Variants in ERLIN1 observed in about 807,000 individuals in gnomAD.
ERLIN1 encodes the protein ER lipid raft associated 1.
ERLIN1 carries 24 observed loss-of-function variants against 46.9 expected under a neutral mutation model. The ratio of observed to expected loss-of-function variants is 0.51; its 90% confidence interval spans 0.37 to 0.72. The LOEUF (loss-of-function observed/expected upper bound fraction) is 0.72, where lower values mean the gene tolerates loss of function less well. Among genes scored for constraint, ERLIN1 ranks in the 30% least tolerant of loss-of-function variants. The pLI is 0.00. For missense variants in ERLIN1, 293 were observed against 417.9 expected, an observed-to-expected ratio of 0.70 and a Z score of 2.61; for synonymous variants, 158 against 143.2, an observed-to-expected ratio of 1.10 and a Z score of -0.74.
intron 8 of ERLIN1, among the ~76,000 whole-genome samples, chr10:100,161,974 ATAAAAG>A (rs1383497739): frequency 6.6e-6 from 1 of 152,184 alleles, no homozygotes; most frequent in African/African-American, 2.4e-5. Flanking sequence ...AACTTTTAGA[ATAAAAG>A]TCTTACTTTG....
At chr10:100,163,787 A>G (rs1843485839) in intron 8 of ERLIN1, among the ~76,000 whole-genome samples, 1 of 152,368 alleles carries the variant, frequency 6.6e-6, no homozygotes, top group Non-Finnish European at 1.5e-5. Flanking sequence ...CAACAGTAGC[A>G]TCTAACAACA....
intron 8 of ERLIN1, among the ~76,000 whole-genome samples, chr10:100,161,379 T>C (rs1399232871): frequency 6.6e-6 from 1 of 152,214 alleles, no homozygotes; most frequent in Non-Finnish European, 1.5e-5. Flanking sequence ...AACAAATCTT[T>C]AATAAATGTG....
chr10:100,174,118 A>G (rs943732430), intron 6 of ERLIN1, 90 bp downstream of exon 6: 50 of 818,512 alleles, frequency 6.1e-5, no homozygotes, highest in Non-Finnish European at 9.7e-5. Context: ...AGCATCTCAA[A>G]TAATTGCTGA....
intron 8 of ERLIN1, among the ~76,000 whole-genome samples, chr10:100,157,185 T>A (rs1386489115): frequency 6.6e-6 from 1 of 152,212 alleles, no homozygotes; most frequent in Non-Finnish European, 1.5e-5. Context: ...TTAGTTTTAC[T>A]ATACTCAGGA....
At chr10:100,168,071 T>C (rs1315239804) in intron 6 of ERLIN1, among the ~76,000 whole-genome samples, 1 of 152,226 alleles carries the variant, frequency 6.6e-6, no homozygotes, top group Non-Finnish European at 1.5e-5. Context: ...TTGACACAAT[T>C]AAGATTATCT....
chr10:100,175,929 G>C lies in ERLIN1; in HGVS notation c.430+16C>G, dbSNP rs1240077501. ...TCCAATTGGCTATTTACATACATAA[G>C]AATTAAGACACTTACCAAACAATTC... On this transcript the variant is annotated intron_variant, in intron 5 of 10. Coordinates refer to ENST00000421367, the MANE Select transcript of ERLIN1 (RefSeq NM_006459.4). The C allele has an allele frequency of 2.7e-5, 44 of 1,610,302 alleles. No individual in the cohort carries two copies. The highest frequency in any genetic ancestry group is 3.7e-5 in the Non-Finnish European group (43 of 1,177,898).
At chr10:100,162,477 G>T (rs1456415080) in intron 8 of ERLIN1, among the ~76,000 whole-genome samples, 1 of 152,154 alleles carries the variant, frequency 6.6e-6, no homozygotes, top group Non-Finnish European at 1.5e-5. Flanking sequence ...TAAAATCAAA[G>T]AAGTACTTGA....
chr10:100,185,052 C>A (rs1170661414), intron 1 of ERLIN1, among the ~76,000 whole-genome samples: 1 of 151,838 alleles, frequency 6.6e-6, no homozygotes, highest in Non-Finnish European at 1.5e-5. Context: ...CCTGGAGGTC[C>A]AGGGACATAA....
Position 100,185,585 on chromosome 10 carries a change from C to T in ERLIN1, c.42G>A (p.Val14=). Residue 14 remains valine, a synonymous_variant, in exon 1 of 11, where the codon GTG becomes GTA. Coordinates refer to ENST00000421367, the MANE Select transcript of ERLIN1 (RefSeq NM_006459.4). ...TQARVLVAAV[V]GLVAVLLYAS... ...CGTAGAGCAGGACAGCCACCAACCC[C>T]ACCACTGCAGCCACCAGAACCCGGG... is the stretch of plus-strand genomic sequence containing the variant. The T allele has an allele frequency of 1.2e-6, 2 of 1,614,058 alleles. No individual in the cohort carries two copies. Among genetic ancestry groups the T allele is most frequent in the Non-Finnish European group, 8.5e-7 (1 of 1,179,896 alleles).
Position 100,151,753 on chromosome 10 carries a change from C to CG in ERLIN1, c.*377_*378insC. The CG allele has an allele frequency of 1.6e-5, 5 of 320,636 alleles. No homozygotes were observed. Among genetic ancestry groups the CG allele is most frequent in the South Asian group, 8.2e-5 (3 of 36,462 alleles). 19.9% of individuals were successfully genotyped at this position (320,636 alleles called of 1,614,324 possible). ...TTCTCAGTCATCTCTTGAATGGTGG[C>CG]TGAGCATACATTTCCCCGGGGGACG... On this transcript the variant is annotated 3_prime_UTR_variant, in exon 11 of 11. Coordinates refer to ENST00000421367, the MANE Select transcript of ERLIN1 (RefSeq NM_006459.4).
chr10:100,163,119 T>C (rs1843448217), intron 8 of ERLIN1, among the ~76,000 whole-genome samples: 1 of 152,182 alleles, frequency 6.6e-6, no homozygotes, highest in Admixed American at 6.5e-5. Context: ...TCCCTAGATC[T>C]ACATGTATCA....
chr10:100,172,587 AT>A (rs1844065172), intron 6 of ERLIN1, among the ~76,000 whole-genome samples: 1 of 152,238 alleles, frequency 6.6e-6, no homozygotes. Flanking sequence ...GTTCAACCTC[AT>A]TAACAACCAA....
intron 2 of ERLIN1, among the ~76,000 whole-genome samples, chr10:100,179,708 T>C (rs928646996): frequency 6.6e-6 from 1 of 152,150 alleles, no homozygotes; most frequent in African/African-American, 2.4e-5. Context: ...CCACCCACCT[T>C]GGCCTCCCAA....
At chr10:100,171,109 A>G (rs1843967760) in intron 6 of ERLIN1, among the ~76,000 whole-genome samples, 1 of 152,202 alleles carries the variant, frequency 6.6e-6, no homozygotes, top group Non-Finnish European at 1.5e-5. Flanking sequence ...TACAATTTTT[A>G]TAATTTCTAA....
At position 100,152,176 on chromosome 10, in the gene ERLIN1, T is replaced by C. The variant is rs1407249502; in HGVS notation, c.1002A>G (p.Glu334=). 6.2e-7 allele frequency: 1 copy of C among 1,613,552 alleles called. No individual in the cohort carries two copies. Among genetic ancestry groups the C allele is most frequent in the Non-Finnish European group, 8.5e-7 (1 of 1,179,608 alleles). ...TTTGGATGACGTTCTCTCCAGAGGG[T>C]TCAAGAGCCTCCTTAGAGGGGAGTG... ...ESSLPSKEAL[E]PSGENVIQNK... is the part of the protein sequence containing the mutation. The change falls in exon 11 of 11, where the codon GAA becomes GAG. Residue 334 remains glutamate, a synonymous_variant. Transcript: ENST00000421367.
rs12242398 is a variant in ERLIN1, at chr10:100,152,509, C to T, written c.826-157G>A. ...CTCTCACTTTGGAGAGTGGCTATCACATTAACAGCTGCGTTCCTGACTTAA... is the reference window on the plus strand; with the variant it reads ...CTCTCACTTTGGAGAGTGGCTATCATATTAACAGCTGCGTTCCTGACTTAA... On this transcript the variant is annotated intron_variant, in intron 10 of 10. Transcript: ENST00000421367. Among the ~76,000 whole-genome samples, 749 of 152,322 alleles carry T rather than the reference C, an allele frequency of 4.9e-3. 8 individuals carry two copies. Among genetic ancestry groups the T allele is most frequent in the African/African-American group, 0.017 (711 of 41,566 alleles).
rs1028668384 is a variant in ERLIN1 at position 100,167,521 on chromosome 10, T to C, written c.505-115A>G. On this transcript the variant is annotated intron_variant, in intron 6 of 10. Transcript: ENST00000421367. Reference sequence around the variant, plus strand: ...AATCTAATAAACAACAGCTATAATATAGCGGCCTACTAACACGTTTGGGGA... The same window carrying C: ...AATCTAATAAACAACAGCTATAATACAGCGGCCTACTAACACGTTTGGGGA... 7.8e-5 allele frequency: 60 copies of C among 766,498 alleles called. No homozygotes were observed. The African/African-American group carries it at 9.0e-4, about 11-fold the overall frequency. The allele number at this position is 766,498 out of a possible 1,614,324, so 47.5% of individuals were successfully genotyped here.
At chr10:100,183,117 TATG>T (rs1228825813) in intron 2 of ERLIN1, among the ~76,000 whole-genome samples, 1 of 152,248 alleles carries the variant, frequency 6.6e-6, no homozygotes, top group East Asian at 1.9e-4. Flanking sequence ...TCCAAAGATT[TATG>T]ATCACACTGG....
At chr10:100,185,049 G>C (rs980839924) in intron 1 of ERLIN1, among the ~76,000 whole-genome samples, 3 of 151,870 alleles carry the variant, frequency 2.0e-5, no homozygotes, top group Non-Finnish European at 2.9e-5. Flanking sequence ...GTCCCTGGAG[G>C]TCCAGGGACA....
Sources: gnomAD v4.1 joint callset for allele counts (sites outside exome capture counted in the v4.1 genomes callset) on GRCh38, gnomAD v4.1.1 for gene constraint, MANE v1.5 for transcripts, NCBI Gene and HGNC (gene_info 2026-07-23, HGNC 2026-07-21) for gene names.